KCNIP4: variants seen among roughly 807,000 people sequenced by gnomAD.
The protein encoded by KCNIP4 is potassium voltage-gated channel interacting protein 4, also known as Kv channel-interacting protein 4.
A neutral mutation model predicts 34.0 loss-of-function variants in KCNIP4; 12 were observed. The ratio of observed to expected loss-of-function variants is 0.35; its 90% CI spans 0.23 to 0.57. The LOEUF is 0.57. Ranked by LOEUF, KCNIP4 falls within the 20% of genes least tolerant of loss-of-function variation. The pLI is 0.83. For synonymous variants in KCNIP4, 124 were observed against 102.2 expected (o/e 1.21, Z -1.29); for missense variants, 238 against 311.7 (o/e 0.76, Z 1.78).
At chr4:21,486,911 C>T (rs1448862775) in intron 1 of KCNIP4, among the ~76,000 whole-genome samples, 1 of 151,660 alleles carries the variant, frequency 6.6e-6, no homozygotes, top group Non-Finnish European at 1.5e-5. Flanking sequence ...CTCAAGTGAT[C>T]CTCGGTCTCC....
chr4:21,408,450 G>A (rs1366924867), intron 1 of KCNIP4, among the ~76,000 whole-genome samples: 1 of 152,142 alleles, frequency 6.6e-6, no homozygotes, highest in Non-Finnish European at 1.5e-5. Flanking sequence ...TACAGGCTAA[G>A]GATTTTGAGA....
chr4:20,772,158 T>G (rs2149380589), intron 3 of KCNIP4, among the ~76,000 whole-genome samples: 1 of 152,300 alleles, frequency 6.6e-6, no homozygotes, highest in East Asian at 1.9e-4. Flanking sequence ...GATTTGAACT[T>G]GAGTTTGACT....
At chr4:21,910,768 T>G (rs1650578430) in intron 1 of KCNIP4, among the ~76,000 whole-genome samples, 1 of 152,184 alleles carries the variant, frequency 6.6e-6, no homozygotes, top group Admixed American at 6.6e-5. Context: ...TGTGTTTAAT[T>G]TACTTTTTCT....
At chr4:20,800,171 T>C (rs1714041388) in intron 3 of KCNIP4, among the ~76,000 whole-genome samples, 1 of 152,240 alleles carries the variant, frequency 6.6e-6, no homozygotes, top group African/African-American at 2.4e-5. Flanking sequence ...ATGTCAGTCA[T>C]CACTGACACT....
In KCNIP4 at chr4:20,905,509, C is replaced by CTT. The variant is rs10686415; in HGVS notation, c.62-22802_62-22801dup. Among the ~76,000 whole-genome samples, 243 of 72,798 alleles carry CTT rather than the reference C, an allele frequency of 3.3e-3. 8 individuals carry two copies. The highest frequency in any genetic ancestry group is 7.8e-3 in the Admixed American group (42 of 5,366). The allele number at this position is 72,798 out of a possible 152,430, so 47.8% of individuals were successfully genotyped here. On this transcript the variant is annotated intron_variant, in intron 1 of 8. Transcript: ENST00000382152. ...ACACAGGTAGTTGAACGTTTTCTTT[C>CTT]TTTTTTTTTTTTTTTTGTTTGAGAT... is the stretch of plus-strand genomic sequence containing the variant.
chr4:21,203,668 C>T (rs1756649003), intron 1 of KCNIP4, among the ~76,000 whole-genome samples: 1 of 152,190 alleles, frequency 6.6e-6, no homozygotes, highest in African/African-American at 2.4e-5. Context: ...GGCACTGCTT[C>T]TGCAGGGATG....
At chr4:20,737,492 G>A (rs1578440470) in intron 5 of KCNIP4, among the ~76,000 whole-genome samples, 1 of 152,054 alleles carries the variant, frequency 6.6e-6, no homozygotes, top group South Asian at 2.1e-4. Flanking sequence ...TCCAGAACAT[G>A]GGTAGATGGG....
intron 3 of KCNIP4, among the ~76,000 whole-genome samples, chr4:20,791,300 G>T (rs976627689): frequency 6.6e-6 from 1 of 152,024 alleles, no homozygotes; most frequent in East Asian, 1.9e-4. Context: ...GTTGAAAAAA[G>T]TCATTCAAGC....
chr4:20,826,615 A>T (rs946016947), intron 3 of KCNIP4, among the ~76,000 whole-genome samples: 1 of 150,604 alleles, frequency 6.6e-6, no homozygotes, highest in Non-Finnish European at 1.5e-5. Context: ...CAAACAAACA[A>T]ACAAAAATAC....
At chr4:21,111,420 C>A (rs1167374679) in intron 1 of KCNIP4, among the ~76,000 whole-genome samples, 1 of 152,188 alleles carries the variant, frequency 6.6e-6, no homozygotes, top group Non-Finnish European at 1.5e-5. Context: ...ATAGAAATCC[C>A]AAACAGATTT....
At chr4:21,056,874 T>C (rs955529700) in intron 1 of KCNIP4, among the ~76,000 whole-genome samples, 11 of 152,116 alleles carry the variant, frequency 7.2e-5, no homozygotes, top group African/African-American at 2.2e-4. Flanking sequence ...TGAAAGTGGG[T>C]TCCTCATGAT....
chr4:21,476,673 C>T (rs1016861728), intron 1 of KCNIP4, among the ~76,000 whole-genome samples: 4 of 152,156 alleles, frequency 2.6e-5, no homozygotes, highest in Admixed American at 6.5e-5. Context: ...GACTCCAAAT[C>T]TCAAAGACAA....
At chr4:21,888,611 A>T (rs1226854649) in intron 1 of KCNIP4, among the ~76,000 whole-genome samples, 1 of 152,096 alleles carries the variant, frequency 6.6e-6, no homozygotes, top group Non-Finnish European at 1.5e-5. Flanking sequence ...AGGTGCAATC[A>T]TGCCAGAAGC....
At chr4:21,189,630 G>A (rs973544671) in intron 1 of KCNIP4, among the ~76,000 whole-genome samples, 2 of 151,856 alleles carry the variant, frequency 1.3e-5, no homozygotes, top group Non-Finnish European at 2.9e-5. Context: ...AAGCACATTT[G>A]CACTTGTCCT....
intron 1 of KCNIP4, among the ~76,000 whole-genome samples, chr4:21,387,827 C>T (rs1281947798): frequency 6.6e-6 from 1 of 152,158 alleles, no homozygotes; most frequent in Non-Finnish European, 1.5e-5. Context: ...ATACTTTGTA[C>T]TCACAAGCAT....
intron 1 of KCNIP4, chr4:21,304,071 GAGAGAGAGAGAGAGA>G (rs1560272560): frequency 3.0e-6 from 1 of 337,734 alleles, no homozygotes; most frequent in Non-Finnish European, 4.3e-6. Flanking sequence ...GAGAGAGACA[GAGAGAGAGAGAGAGA>G]CAGAGAGAGA....
intron 1 of KCNIP4, among the ~76,000 whole-genome samples, chr4:21,190,446 C>T (rs111398810): frequency 0.021 from 2,961 of 137,806 alleles, 112 homozygotes; most frequent in African/African-American, 0.079. Context: ...CTGTGTGTGC[C>T]ACACCTCCCT....
At chr4:21,165,706 A>G (rs1577813079) in intron 1 of KCNIP4, among the ~76,000 whole-genome samples, 1 of 152,320 alleles carries the variant, frequency 6.6e-6, no homozygotes, top group East Asian at 1.9e-4. Context: ...AAATTTGAAA[A>G]TTCTGGTCTT....
intron 1 of KCNIP4, among the ~76,000 whole-genome samples, chr4:20,905,244 C>A (rs1006807175): frequency 1.3e-5 from 2 of 152,108 alleles, no homozygotes; most frequent in African/African-American, 2.4e-5. Context: ...CGATGAGCAC[C>A]TTCTCACTGA....
Sources: allele counts gnomAD v4.1 joint callset (sites outside exome capture counted in the v4.1 genomes callset), GRCh38; gene constraint gnomAD v4.1.1; transcripts MANE v1.5; gene names NCBI Gene and HGNC (gene_info 2026-07-23, HGNC 2026-07-21).